MYRIP: variants seen among roughly 807,000 people sequenced by gnomAD.
MYRIP encodes the protein myosin VIIA and Rab interacting protein.
A neutral mutation model predicts 98.0 loss-of-function variants in MYRIP; 49 were observed. The ratio of observed to expected loss-of-function variants is 0.50; its 90% CI spans 0.40 to 0.63. MYRIP has a LOEUF of 0.63. MYRIP is among the 30% of genes least tolerant of loss of function. MYRIP has a pLI of 0.00. For missense variants in MYRIP, 1,004 were observed against 1,058.2 expected, an observed-to-expected ratio of 0.95 and a Z score of 0.71; for synonymous variants, 404 against 409.5, an observed-to-expected ratio of 0.99 and a Z score of 0.16.
At chr3:39,932,571 G>A (rs1281951347) in intron 2 of MYRIP, among the ~76,000 whole-genome samples, 1 of 151,980 alleles carries the variant, frequency 6.6e-6, no homozygotes, top group Non-Finnish European at 1.5e-5. Context: ...TTGTTTAGTA[G>A]AGTTGGGGTT....
chr3:40,008,203 A>G (rs1486009057), intron 2 of MYRIP, among the ~76,000 whole-genome samples: 1 of 152,168 alleles, frequency 6.6e-6, no homozygotes. Flanking sequence ...TTAGAATATT[A>G]TATGGTACAA....
chr3:39,836,545 C>T (rs956787255), intron 1 of MYRIP, among the ~76,000 whole-genome samples: 9 of 152,120 alleles, frequency 5.9e-5, no homozygotes, highest in Admixed American at 6.6e-5. Flanking sequence ...TGTAGTGAGG[C>T]AGTGCTCCTT....
chr3:39,888,410 G>C (rs931032395), intron 1 of MYRIP, among the ~76,000 whole-genome samples: 17 of 151,680 alleles, frequency 1.1e-4, no homozygotes, highest in South Asian at 8.4e-4. Context: ...ACAAACCTGA[G>C]AAAAACAAGC....
chr3:39,992,406 G>T (rs191556129), intron 2 of MYRIP, among the ~76,000 whole-genome samples: 4 of 152,200 alleles, frequency 2.6e-5, no homozygotes, highest in South Asian at 2.1e-4. Context: ...GACCATCATT[G>T]TTTTGCTCCA....
intron 2 of MYRIP, among the ~76,000 whole-genome samples, chr3:40,003,754 G>A (rs1249468160): frequency 6.6e-6 from 1 of 152,072 alleles, no homozygotes; most frequent in African/African-American, 2.4e-5. Context: ...TTTAGTATTG[G>A]GATGTTTGTA....
intron 1 of MYRIP, among the ~76,000 whole-genome samples, chr3:39,827,647 G>T (rs910464873): frequency 4.6e-5 from 7 of 151,572 alleles, no homozygotes; most frequent in African/African-American, 1.7e-4. Flanking sequence ...TTTGTGCATT[G>T]CCTTTACCAG....
In MYRIP at chr3:40,083,451, A is replaced by C. The variant is rs560059858; in HGVS notation, c.332+39180A>C. ...CTTCTTCCTTTTTCCCCTTCTCTTC[A>C]TCTTAATTTCCATCTTCAGTAATAG... is the stretch of plus-strand genomic sequence containing the variant. On this transcript the variant is annotated intron_variant, in intron 3 of 16. Coordinates refer to ENST00000302541, the MANE Select transcript of MYRIP (RefSeq NM_015460.4). 2.0e-5 allele frequency among the ~76,000 whole-genome samples: 3 copies of C among 152,176 alleles called. No individual in the cohort carries two copies. In the East Asian group the frequency reaches 5.8e-4, roughly 29 times the overall value.
intron 2 of MYRIP, among the ~76,000 whole-genome samples, chr3:40,013,138 C>G (rs1946797333): frequency 6.6e-6 from 1 of 152,196 alleles, no homozygotes; most frequent in South Asian, 2.1e-4. Context: ...CCCCATGTCC[C>G]CCTCCTCACA....
rs3063561 is a variant in MYRIP, at chr3:40,098,740, TTG to T, written c.333-52270_333-52269del. On this transcript the variant is annotated intron_variant, in intron 3 of 16. Transcript: ENST00000302541. ...TGTGTATCTCTCTCTGTCTCTCTCA[TTG>T]TGTGTGTGTGTGTGTGTGTGTGTGT... Among the ~76,000 whole-genome samples the T allele has an allele frequency of 5.2e-3, 708 of 135,256 alleles. 5 individuals carry two copies. Among genetic ancestry groups the T allele is most frequent in the African/African-American group, 0.014 (505 of 35,898 alleles). The allele number at this position is 135,256 out of a possible 152,430, so 88.7% of individuals were successfully genotyped here.
rs147996126 is a variant in MYRIP at position 39,816,410 on chromosome 3, A to C, written c.-31+6494A>C. ...TTTGCCTTTTCAAATCATACTGACA[A>C]CCTATCCTGAGAGTAAACTCCCCTT... On this transcript the variant is annotated intron_variant, in intron 1 of 16. Transcript: ENST00000302541. Among the ~76,000 whole-genome samples, 10 of 152,066 alleles carry C rather than the reference A, an allele frequency of 6.6e-5. No individual in the cohort carries two copies. In the East Asian group the frequency reaches 1.9e-3, roughly 29 times the overall value.
chr3:39,910,772 T>G (rs1181980200), intron 2 of MYRIP, among the ~76,000 whole-genome samples: 1 of 152,226 alleles, frequency 6.6e-6, no homozygotes, highest in Non-Finnish European at 1.5e-5. Context: ...CACATTATAT[T>G]TTTATTGGAC....
At chr3:39,833,081 C>T (rs1297779517) in intron 1 of MYRIP, among the ~76,000 whole-genome samples, 1 of 151,988 alleles carries the variant, frequency 6.6e-6, no homozygotes, top group African/African-American at 2.4e-5. Context: ...ATCAGACTGA[C>T]ATGGAAAATA....
intron 3 of MYRIP, among the ~76,000 whole-genome samples, chr3:40,111,201 C>G (rs1407413344): frequency 6.6e-6 from 1 of 152,064 alleles, no homozygotes; most frequent in Non-Finnish European, 1.5e-5. Flanking sequence ...GGATGGTTCA[C>G]AAGAAGGGAA....
chr3:39,959,200 G>A (rs1268214045), intron 2 of MYRIP, among the ~76,000 whole-genome samples: 1 of 152,142 alleles, frequency 6.6e-6, no homozygotes, highest in Non-Finnish European at 1.5e-5. Context: ...TATAAATCAT[G>A]CTGCTATAAA....
At chr3:39,820,986 G>A (rs1941084852) in intron 1 of MYRIP, among the ~76,000 whole-genome samples, 1 of 152,070 alleles carries the variant, frequency 6.6e-6, no homozygotes, top group Admixed American at 6.5e-5. Context: ...ATGGTGGATG[G>A]GGATGCAATG....
At chr3:40,063,778 A>T (rs1948070736) in intron 3 of MYRIP, among the ~76,000 whole-genome samples, 1 of 152,202 alleles carries the variant, frequency 6.6e-6, no homozygotes, top group South Asian at 2.1e-4. Context: ...ATTAATAGTC[A>T]AGGTTAAAGA....
intron 12 of MYRIP, among the ~76,000 whole-genome samples, chr3:40,235,122 C>T (rs1417655533): frequency 1.3e-5 from 2 of 151,994 alleles, no homozygotes; most frequent in Non-Finnish European, 2.9e-5. Context: ...TCACACGCCA[C>T]TCCAAAATTG....
chr3:40,167,564 A>G (rs1303165847), intron 7 of MYRIP, among the ~76,000 whole-genome samples: 1 of 152,042 alleles, frequency 6.6e-6, no homozygotes, highest in Admixed American at 6.6e-5. Flanking sequence ...ATTCTCCAAC[A>G]CCAACTGAGA....
chr3:40,000,304 G>T (rs1196531570), intron 2 of MYRIP, among the ~76,000 whole-genome samples: 1 of 152,128 alleles, frequency 6.6e-6, no homozygotes, highest in African/African-American at 2.4e-5. Context: ...TCACGCACAT[G>T]AAGACTGTTC....
Sources: gnomAD v4.1 joint callset for allele counts (sites outside exome capture counted in the v4.1 genomes callset) on GRCh38, gnomAD v4.1.1 for gene constraint, MANE v1.5 for transcripts, NCBI Gene and HGNC (gene_info 2026-07-23, HGNC 2026-07-21) for gene names.